The following KIAA1671 variants were observed in gnomAD, a reference collection of about 807,000 sequenced individuals.
KIAA1671 encodes the protein uncharacterized protein KIAA1671.
A neutral mutation model predicts 131.2 loss-of-function variants in KIAA1671; 52 were observed. That is an observed-to-expected ratio of 0.40 (90% CI 0.32 to 0.50). The LOEUF (loss-of-function observed/expected upper bound fraction) is 0.50. Ranked by LOEUF, KIAA1671 falls within the 20% of genes least tolerant of loss-of-function variation. The pLI, the probability that KIAA1671 is intolerant of heterozygous loss-of-function variation, is 0.73. For synonymous variants in KIAA1671, 1,003 were observed against 961.6 expected (o/e 1.04, Z -0.80); for missense variants, 2,360 against 2,364.2 (o/e 1.00, Z 0.04).
At chr22:24,981,543 C>A (rs1050876538) in intron 1 of KIAA1671, among the ~76,000 whole-genome samples, 11 of 152,200 alleles carry the variant, frequency 7.2e-5, no homozygotes, top group African/African-American at 2.7e-4. Flanking sequence ...CAGAAAAATA[C>A]AGATGCTGGG....
intron 6 of KIAA1671, among the ~76,000 whole-genome samples, chr22:25,096,555 G>A (rs1930399187): frequency 6.6e-6 from 1 of 152,152 alleles, no homozygotes; most frequent in Admixed American, 6.5e-5. Flanking sequence ...CCCATCCCAT[G>A]TCCTTTGCCC....
Position 25,049,252 on chromosome 22 carries a change from A to G in KIAA1671, c.4418A>G (p.Lys1473Arg). 6.4e-7 allele frequency: 1 copy of G among 1,552,010 alleles called. No homozygotes were observed. Among genetic ancestry groups the G allele is most frequent in the South Asian group, 1.2e-5 (1 of 84,056 alleles). Residue 1473 changes from lysine (K) to arginine (R), a missense_variant, in exon 6 of 13, where the codon AAG (lysine) becomes AGG (arginine). Transcript: ENST00000358431. The stretch of plus-strand genomic sequence containing the variant: ...CAGGTGCTGCCACGGGACCTGGAGA[A>G]GGAGGATGCCCCCCAGGAGAAGGAG... Reference protein sequence around the residue: ...SHKVLPRDLEKEDAPQEKERP... With the variant: ...SHKVLPRDLEREDAPQEKERP...
intron 6 of KIAA1671, among the ~76,000 whole-genome samples, chr22:25,150,214 T>C (rs1932988853): frequency 6.6e-6 from 1 of 152,198 alleles, no homozygotes; most frequent in African/African-American, 2.4e-5. Context: ...CGGGCATTGT[T>C]TTCCTCTGCT....
intron 1 of KIAA1671, among the ~76,000 whole-genome samples, chr22:24,956,728 C>T (rs1202514112): frequency 2.6e-5 from 4 of 152,074 alleles, no homozygotes; most frequent in South Asian, 2.1e-4. Flanking sequence ...AAAAATTAGC[C>T]GGGCGTGGTG....
chr22:25,135,004 A>G (rs1465234517), intron 6 of KIAA1671, among the ~76,000 whole-genome samples: 5 of 152,210 alleles, frequency 3.3e-5, no homozygotes, highest in African/African-American at 1.2e-4. Flanking sequence ...AGGGGTGACC[A>G]CTGAGTTCTG....
chr22:25,013,656 AT>A (rs1264728453), intron 1 of KIAA1671: 1 of 152,194 alleles, frequency 6.6e-6, no homozygotes, highest in Admixed American at 6.6e-5. Flanking sequence ...TTTATGTTGA[AT>A]TGAGCTTTGG....
At chr22:25,112,016 C>G (rs1421850755) in intron 6 of KIAA1671, 2 of 392,118 alleles carry the variant, frequency 5.1e-6, no homozygotes, top group Non-Finnish European at 9.0e-6. Context: ...GTTTACTTAC[C>G]CTTGGTTTGC....
intron 6 of KIAA1671, among the ~76,000 whole-genome samples, chr22:25,071,330 C>A (rs1001822816): frequency 3.3e-5 from 5 of 152,166 alleles, no homozygotes; most frequent in Non-Finnish European, 7.3e-5. Context: ...AATTTTCCAG[C>A]GCTCCTAAAA....
At chr22:24,995,026 C>T (rs1020062912) in intron 1 of KIAA1671, among the ~76,000 whole-genome samples, 4 of 150,910 alleles carry the variant, frequency 2.7e-5, no homozygotes, top group Non-Finnish European at 5.9e-5. Flanking sequence ...TGCCTCATCC[C>T]GTCTCTGTTT....
intron 1 of KIAA1671, among the ~76,000 whole-genome samples, chr22:25,004,364 C>G (rs1014596760): frequency 6.6e-6 from 1 of 152,124 alleles, no homozygotes; most frequent in Non-Finnish European, 1.5e-5. Context: ...GAGGCCTTGG[C>G]CTCCTGAAGC....
At chr22:25,105,405 A>G (rs1856525993) in intron 6 of KIAA1671, among the ~76,000 whole-genome samples, 1 of 152,014 alleles carries the variant, frequency 6.6e-6, no homozygotes, top group South Asian at 2.1e-4. Context: ...AGAAATTCCC[A>G]TTTACTTCCT....
intron 4 of KIAA1671, among the ~76,000 whole-genome samples, chr22:25,037,579 A>T (rs993562631): frequency 6.6e-6 from 1 of 152,068 alleles, no homozygotes; most frequent in African/African-American, 2.4e-5. Context: ...CGTTTTCAGT[A>T]TTATGTAAGC....
At position 25,194,367 on chromosome 22, in the gene KIAA1671, C is replaced by T. The variant is rs1410007271; in HGVS notation, c.*1966C>T. On this transcript the variant is annotated 3_prime_UTR_variant, in exon 13 of 13. Transcript: ENST00000358431. ...CTCGGATTACAGACATGAGCCACTG[C>T]ACCTGGCCTGAAACACATTCCTAGT... The T allele has an allele frequency of 6.6e-6, 1 of 152,268 alleles. No homozygotes were observed. The highest frequency in any genetic ancestry group is 1.5e-5 in the Non-Finnish European group (1 of 68,086). 9.4% of individuals were successfully genotyped at this position (152,268 alleles called of 1,614,324 possible).
intron 6 of KIAA1671, among the ~76,000 whole-genome samples, chr22:25,068,559 C>T (rs928405923): frequency 5.3e-5 from 8 of 152,174 alleles, no homozygotes; most frequent in Non-Finnish European, 1.2e-4. Flanking sequence ...GCCTCAGCCT[C>T]CCGAGTAGCT....
intron 6 of KIAA1671, among the ~76,000 whole-genome samples, chr22:25,095,766 A>G (rs1225184718): frequency 2.0e-5 from 3 of 152,160 alleles, no homozygotes; most frequent in Non-Finnish European, 4.4e-5. Flanking sequence ...ATCTCGCACA[A>G]CCTCATCTTT....
chr22:25,027,459 G>A (rs1194370193), intron 2 of KIAA1671, among the ~76,000 whole-genome samples: 2 of 152,204 alleles, frequency 1.3e-5, no homozygotes, highest in African/African-American at 2.4e-5. Flanking sequence ...GGGAAAACAG[G>A]GTAACAGGAG....
At chr22:24,957,238 T>C (rs959251016) in intron 1 of KIAA1671, among the ~76,000 whole-genome samples, 1 of 151,938 alleles carries the variant, frequency 6.6e-6, no homozygotes, top group African/African-American at 2.4e-5. Context: ...TACTTGAGTC[T>C]TAAAGGATGA....
intron 6 of KIAA1671, among the ~76,000 whole-genome samples, chr22:25,093,856 C>CTCTGTG (rs1930263947): frequency 1.9e-5 from 2 of 107,050 alleles, no homozygotes; most frequent in Non-Finnish European, 4.2e-5. Flanking sequence ...CTCTCTCTCT[C>CTCTGTG]TCTCTCTCTC....
chr22:25,041,828 A>G (rs1645655439), intron 5 of KIAA1671, among the ~76,000 whole-genome samples: 1 of 152,142 alleles, frequency 6.6e-6, no homozygotes, highest in African/African-American at 2.4e-5. Flanking sequence ...CACTGCAGCC[A>G]TAATCTCCTG....
Sources: gnomAD v4.1 joint callset for allele counts (sites outside exome capture counted in the v4.1 genomes callset) on GRCh38, gnomAD v4.1.1 for gene constraint, MANE v1.5 for transcripts, NCBI Gene and HGNC (gene_info 2026-07-23, HGNC 2026-07-21) for gene names.